Variants in FGL1 observed in about 807,000 individuals in gnomAD.
FGL1 encodes fibrinogen-like protein 1.
In FGL1, 59 loss-of-function variants were observed where a neutral mutation model predicts 43.7. That is an observed-to-expected ratio of 1.35 (90% CI 1.10 to 1.68). The LOEUF is 1.68. FGL1 is among the 40% of genes most tolerant of loss of function. The pLI is 0.00. For synonymous variants in FGL1, 192 were observed against 126.5 expected (o/e 1.52, Z -3.48); for missense variants, 596 against 373.0 (o/e 1.60, Z -4.92).
At chr8:17,888,082 T>A (rs2053655095) in intron 1 of FGL1, among the ~76,000 whole-genome samples, 2 of 151,960 alleles carry the variant, frequency 1.3e-5, no homozygotes, top group South Asian at 4.1e-4. Context: ...ATAGAAATAG[T>A]AGATGTTTTT....
intron 7 of FGL1, among the ~76,000 whole-genome samples, chr8:17,867,868 G>A (rs777101862): frequency 2.0e-5 from 3 of 152,162 alleles, no homozygotes; most frequent in East Asian, 1.9e-4. Context: ...CCAGGAGTTC[G>A]AGACCTGCCT....
intron 2 of FGL1, 94 bp downstream of exon 2, chr8:17,885,398 A>G (rs2053612563): frequency 1.0e-5 from 11 of 1,070,770 alleles, no homozygotes; most frequent in East Asian, 4.9e-5. Flanking sequence ...AGTTTTTTCA[A>G]TGACAAGTCA....
chr8:17,878,398 C>A (rs2053488316), intron 3 of FGL1, among the ~76,000 whole-genome samples: 1 of 152,162 alleles, frequency 6.6e-6, no homozygotes, highest in African/African-American at 2.4e-5. Flanking sequence ...GGCAGCTGGA[C>A]TTTGAAATCA....
chr8:17,880,050 A>T (rs904216426), intron 3 of FGL1, among the ~76,000 whole-genome samples: 1 of 152,162 alleles, frequency 6.6e-6, no homozygotes, highest in African/African-American at 2.4e-5. Context: ...CTCATCCCTT[A>T]AACGATAGTC....
chr8:17,877,464 AC>A (rs2053473219), intron 3 of FGL1, among the ~76,000 whole-genome samples: 1 of 152,290 alleles, frequency 6.6e-6, no homozygotes, highest in South Asian at 2.1e-4. Context: ...TGGCTGAGGC[AC>A]AAAGCTGAGA....
chr8:17,894,743 T>C (rs1160295616), intron 1 of FGL1, among the ~76,000 whole-genome samples: 1 of 146,564 alleles, frequency 6.8e-6, no homozygotes, highest in Non-Finnish European at 1.5e-5. Context: ...AAAAGAAATT[T>C]TCTTATTCCA....
At chr8:17,890,957 G>A (rs2053696058) in intron 1 of FGL1, among the ~76,000 whole-genome samples, 1 of 152,014 alleles carries the variant, frequency 6.6e-6, no homozygotes, top group Non-Finnish European at 1.5e-5. Flanking sequence ...GATGAGATTT[G>A]GGTGGAGACA....
intron 1 of FGL1, 80 bp from the exon 2 acceptor site, chr8:17,885,651 A>G: frequency 8.3e-7 from 1 of 1,199,076 alleles, no homozygotes; most frequent in Non-Finnish European, 1.2e-6. Flanking sequence ...CAGTAGCTCC[A>G]GGAAGTCGGA....
At chr8:17,871,706 T>C (rs2053363992) in intron 5 of FGL1, among the ~76,000 whole-genome samples, 1 of 152,112 alleles carries the variant, frequency 6.6e-6, no homozygotes. Flanking sequence ...GCCGTAATGC[T>C]CTCATAATTA....
intron 7 of FGL1, chr8:17,868,213 A>G (rs892402588): frequency 6.1e-6 from 1 of 165,286 alleles, no homozygotes; most frequent in Non-Finnish European, 1.3e-5. Context: ...CTAGTTGGTT[A>G]TTAGGATGCC....
intron 7 of FGL1, 105 bp from the exon 8 acceptor site, chr8:17,864,856 A>G (rs1372901969): frequency 2.0e-6 from 2 of 992,426 alleles, no homozygotes; most frequent in East Asian, 6.3e-5. Flanking sequence ...TGAACTATGA[A>G]TTCTGCCATT....
At chr8:17,875,533 T>C (rs865785635) in intron 3 of FGL1, among the ~76,000 whole-genome samples, 299 of 11,832 alleles carry the variant, frequency 0.025, 44 homozygotes, top group African/African-American at 0.064. Context: ...CTTTCTTTCT[T>C]TCTCTTTCTT....
chr8:17,868,327 A>C lies in FGL1; in HGVS notation c.779+221T>G, dbSNP rs373746104. On this transcript the variant is annotated intron_variant, in intron 7 of 7. Transcript: ENST00000427924. ...TCAGTTTGCAAATGATCTTTGTAAA[A>C]GTAATAATTTATTTCTATGACATTT... The C allele has an allele frequency of 1.8e-4, 62 of 352,878 alleles. No individual in the cohort carries two copies. In the East Asian group the frequency reaches 2.0e-3, roughly 11 times the overall value. The allele number at this position is 352,878 out of a possible 1,614,324, so 21.9% of individuals were successfully genotyped here.
At chr8:17,874,268 CTAAT>C in intron 4 of FGL1, 90 bp downstream of exon 4, 2 of 1,422,326 alleles carry the variant, frequency 1.4e-6, no homozygotes, top group South Asian at 1.2e-5. Flanking sequence ...GAAATTCTGT[CTAAT>C]TAATAGGCTT....
At chr8:17,877,123 A>T (rs1270376437) in intron 3 of FGL1, among the ~76,000 whole-genome samples, 1 of 152,234 alleles carries the variant, frequency 6.6e-6, no homozygotes, top group Non-Finnish European at 1.5e-5. Flanking sequence ...AATTTAAAAT[A>T]TGAACTTGAT....
In FGL1 at chr8:17,874,123, A is replaced by G. The variant is rs766006638; in HGVS notation, c.405-7T>C. The G allele has an allele frequency of 1.2e-6, 2 of 1,608,696 alleles. No individual in the cohort carries two copies. Among genetic ancestry groups the G allele is most frequent in the South Asian group, 1.1e-5 (1 of 90,000 alleles). On this transcript the variant is annotated splice_polypyrimidine_tract_variant and splice_region_variant and intron_variant, in intron 4 of 7. Coordinates refer to ENST00000427924, the MANE Select transcript of FGL1 (RefSeq NM_004467.4). ...TTCATAGTCTTTCCATCCTCTAAAA[A>G]AGGTAAAGTGGAAGCCGATTAGAGC...
intron 7 of FGL1, among the ~76,000 whole-genome samples, chr8:17,866,054 A>C (rs2053265218): frequency 6.6e-6 from 1 of 152,248 alleles, no homozygotes; most frequent in Admixed American, 6.5e-5. Context: ...TTGAGTCTCC[A>C]GAATATATAT....
chr8:17,889,395 C>G (rs953710586), intron 1 of FGL1, among the ~76,000 whole-genome samples: 1 of 152,040 alleles, frequency 6.6e-6, no homozygotes, highest in African/African-American at 2.4e-5. Context: ...ACTAAAAATA[C>G]AAAAATTAGC....
intron 2 of FGL1, among the ~76,000 whole-genome samples, chr8:17,884,294 C>T (rs34094910): frequency 2.0e-5 from 3 of 151,894 alleles, no homozygotes; most frequent in South Asian, 2.1e-4. Flanking sequence ...CTGGTTCAAG[C>T]GATTCTTGTG....
Sources: gnomAD v4.1 joint callset for allele counts (sites outside exome capture counted in the v4.1 genomes callset) on GRCh38, gnomAD v4.1.1 for gene constraint, MANE v1.5 for transcripts, NCBI Gene and HGNC (gene_info 2026-07-23, HGNC 2026-07-21) for gene names.